The following MAP7D2 variants were observed in gnomAD, a reference collection of about 807,000 sequenced individuals.
The protein encoded by MAP7D2 is MAP7 domain containing 2, also known as MAP7 domain-containing protein 2.
A neutral mutation model predicts 63.5 loss-of-function variants in MAP7D2; 33 were observed. The ratio of observed to expected loss-of-function variants is 0.52; its 90% CI spans 0.39 to 0.70. The LOEUF (loss-of-function observed/expected upper bound fraction) is 0.70, where lower values mean the gene tolerates loss of function less well. MAP7D2 is among the 30% of genes least tolerant of loss of function. The probability of loss-of-function intolerance (pLI) is 0.00; values close to 1 mark genes in which losing one functional copy is unlikely to be tolerated. For synonymous variants in MAP7D2, 224 were observed against 223.7 expected, an observed-to-expected ratio of 1.00 and a Z score of -0.01; for missense variants, 626 against 604.0, an observed-to-expected ratio of 1.04 and a Z score of -0.38.
chrX:20,012,986 C>CGTA (rs2073252786), intron 14 of MAP7D2, 68 bp downstream of exon 14: 1 of 942,525 alleles, frequency 1.1e-6, no homozygotes, highest in East Asian at 3.1e-5. Context: ...GGTCTGTTTA[C>CGTA]CCTACACCAA....
intron 6 of MAP7D2, among the ~76,000 whole-genome samples, chrX:20,045,714 T>A (rs2064782966): frequency 9.1e-6 from 1 of 110,453 alleles, no homozygotes; most frequent in African/African-American, 3.3e-5. Context: ...TGAAACGTGG[T>A]AAAATCACAT....
At chrX:20,056,592 T>C in intron 4 of MAP7D2, 88 bp downstream of exon 4, 1 of 755,391 alleles carries the variant, frequency 1.3e-6, no homozygotes, top group Non-Finnish European at 2.0e-6. Context: ...CCCCAGATCC[T>C]GGAGACACCC....
At chrX:20,016,404 G>A (rs1294754978) in intron 10 of MAP7D2, 79 bp from the exon 11 acceptor site, 15 of 833,446 alleles carry the variant, frequency 1.8e-5, no homozygotes, top group Non-Finnish European at 1.8e-6. Context: ...TGACAGCCGA[G>A]AATAATGCTC....
At chrX:20,039,535 CT>C (rs766592265) in intron 8 of MAP7D2, among the ~76,000 whole-genome samples, 1 of 111,552 alleles carries the variant, frequency 9.0e-6, no homozygotes, top group Non-Finnish European at 1.9e-5. Flanking sequence ...AAGAGGTGGA[CT>C]TGTGATGGTT....
intron 8 of MAP7D2, among the ~76,000 whole-genome samples, chrX:20,040,675 G>T (rs919385413): frequency 3.6e-5 from 4 of 111,493 alleles, no homozygotes; most frequent in African/African-American, 1.3e-4. Context: ...CCTGTCAGTG[G>T]AGCTGTCAGA....
intron 1 of MAP7D2, 62 bp downstream of exon 1, chrX:20,116,688 G>C: frequency 9.2e-7 from 1 of 1,092,519 alleles, no homozygotes; most frequent in Non-Finnish European, 1.2e-6. Context: ...CTGGGCCGCC[G>C]GGCCCGCCCC....
intron 3 of MAP7D2, among the ~76,000 whole-genome samples, chrX:20,057,182 T>C (rs2065088673): frequency 8.9e-6 from 1 of 112,739 alleles, no homozygotes; most frequent in South Asian, 3.6e-4. Context: ...ACATTTTGCT[T>C]TGAGAAAATT....
chrX:20,115,947 C>T (rs1198437069), intron 1 of MAP7D2, among the ~76,000 whole-genome samples: 1 of 112,847 alleles, frequency 8.9e-6, no homozygotes, highest in African/African-American at 3.2e-5. Flanking sequence ...CTTACACCCC[C>T]GCACTACCTG....
At chrX:20,040,258 T>C (rs1290380705) in intron 8 of MAP7D2, among the ~76,000 whole-genome samples, 2 of 111,609 alleles carry the variant, frequency 1.8e-5, no homozygotes, top group Non-Finnish European at 1.9e-5. Flanking sequence ...GGACTTTACC[T>C]TGTGATCGTG....
chrX:20,052,614 T>C (rs1428874232), intron 5 of MAP7D2, among the ~76,000 whole-genome samples: 2 of 112,511 alleles, frequency 1.8e-5, no homozygotes, highest in African/African-American at 6.5e-5. Flanking sequence ...CTACATGCAA[T>C]GTGGAAAACA....
chrX:20,051,287 T>C (rs901676825), intron 5 of MAP7D2, among the ~76,000 whole-genome samples: 3 of 111,717 alleles, frequency 2.7e-5, no homozygotes, highest in Non-Finnish European at 5.6e-5. Context: ...TGGTGGCTCA[T>C]GCTTGTTATC....
intron 1 of MAP7D2, among the ~76,000 whole-genome samples, chrX:20,093,273 G>A (rs2066117070): frequency 9.0e-6 from 1 of 111,618 alleles, no homozygotes; most frequent in Non-Finnish European, 1.9e-5. Context: ...GCTAATATCA[G>A]AAGAGGGGAG....
chrX:20,087,231 C>A (rs1253344784), intron 1 of MAP7D2, among the ~76,000 whole-genome samples: 1 of 112,404 alleles, frequency 8.9e-6, no homozygotes, highest in Non-Finnish European at 1.9e-5. Flanking sequence ...GTTGACATTT[C>A]ATCCCCAAGA....
chrX:20,104,213 A>G (rs2066507685), intron 1 of MAP7D2, among the ~76,000 whole-genome samples: 1 of 112,581 alleles, frequency 8.9e-6, no homozygotes, highest in Non-Finnish European at 1.9e-5. Flanking sequence ...TGAAGTGGAA[A>G]TTTAGGTGGG....
intron 8 of MAP7D2, among the ~76,000 whole-genome samples, chrX:20,037,865 T>G (rs1780663630): frequency 8.9e-6 from 1 of 111,853 alleles, no homozygotes; most frequent in South Asian, 3.7e-4. Context: ...AGGATTTTAA[T>G]AATCAAGTGG....
chrX:20,018,929 C>T (rs1193751526), intron 10 of MAP7D2, among the ~76,000 whole-genome samples: 3 of 111,741 alleles, frequency 2.7e-5, no homozygotes, highest in Non-Finnish European at 3.8e-5. Flanking sequence ...TAGATTTCAT[C>T]ATTTTCCCCA....
At chrX:20,016,970 CCA>C (rs1207061546) in intron 10 of MAP7D2, 1 of 114,540 alleles carries the variant, frequency 8.7e-6, no homozygotes, top group African/African-American at 3.2e-5. Context: ...ACATTTTCAT[CCA>C]CAGTCAGATG....
chrX:20,021,573 T>C (rs887852403), intron 10 of MAP7D2: 1 of 111,565 alleles, frequency 9.0e-6, no homozygotes, highest in Non-Finnish European at 1.9e-5. Flanking sequence ...GGAAAACTCA[T>C]TTGGGGTCGA....
intron 6 of MAP7D2, among the ~76,000 whole-genome samples, chrX:20,048,059 T>C (rs1398826907): frequency 9.0e-6 from 1 of 110,688 alleles, no homozygotes; most frequent in East Asian, 2.8e-4. Context: ...TGTGCAAAAA[T>C]GAGTTAACAT....
Sources: gnomAD v4.1 joint callset for allele counts (sites outside exome capture counted in the v4.1 genomes callset) on GRCh38, gnomAD v4.1.1 for gene constraint, MANE v1.5 for transcripts, NCBI Gene and HGNC (gene_info 2026-07-23, HGNC 2026-07-21) for gene names.